Variants in CSMD1 observed in about 807,000 individuals in gnomAD.
CSMD1 encodes the protein CUB and sushi domain-containing protein 1.
A neutral mutation model predicts 417.5 loss-of-function variants in CSMD1; 213 were observed. The ratio of observed to expected loss-of-function variants is 0.51; its 90% CI spans 0.46 to 0.57. CSMD1 has a LOEUF of 0.57. Ranked by LOEUF, CSMD1 falls within the 20% of genes least tolerant of loss-of-function variation. The pLI is 0.00. For missense variants in CSMD1, 6,923 were observed against 4,529.7 expected, an observed-to-expected ratio of 1.53 and a Z score of -15.17; for synonymous variants, 2,862 against 1,736.8, an observed-to-expected ratio of 1.65 and a Z score of -16.11.
rs1372206861 is a variant in CSMD1, at chr8:2,935,637, A to C, written c.*2948T>G. On this transcript the variant is annotated 3_prime_UTR_variant, in exon 70 of 70. Coordinates refer to ENST00000635120, the MANE Select transcript of CSMD1 (RefSeq NM_033225.6). ...TTAATCAAAAAATTACAGCATATTT[A>C]ATAATTTTACAAATTCTTCATAAAA... The C allele has an allele frequency of 6.6e-6, 1 of 152,192 alleles. No individual in the cohort carries two copies. Among genetic ancestry groups the C allele is most frequent in the Non-Finnish European group, 1.5e-5 (1 of 68,036 alleles). 9.4% of individuals were successfully genotyped at this position (152,192 alleles called of 1,614,324 possible).
At chr8:4,799,393 T>C (rs1396887517) in intron 1 of CSMD1, among the ~76,000 whole-genome samples, 1 of 151,884 alleles carries the variant, frequency 6.6e-6, no homozygotes, top group East Asian at 1.9e-4. Flanking sequence ...TTTAAAATAG[T>C]CATCCTCAGC....
At chr8:3,969,028 A>G (rs1456621428) in intron 5 of CSMD1, among the ~76,000 whole-genome samples, 1 of 152,172 alleles carries the variant, frequency 6.6e-6, no homozygotes, top group Non-Finnish European at 1.5e-5. Flanking sequence ...AGGCAGGTGG[A>G]TCACTTGAGT....
At chr8:3,796,918 C>G (rs1009633872) in intron 5 of CSMD1, among the ~76,000 whole-genome samples, 7 of 151,470 alleles carry the variant, frequency 4.6e-5, no homozygotes, top group African/African-American at 1.7e-4. Flanking sequence ...TCATTATAGC[C>G]TAATGAAGAT....
chr8:4,715,702 C>G (rs1808609397), intron 1 of CSMD1, among the ~76,000 whole-genome samples: 1 of 152,228 alleles, frequency 6.6e-6, no homozygotes, highest in Admixed American at 6.6e-5. Flanking sequence ...GCGTTCAACT[C>G]AAACACCAAG....
intron 1 of CSMD1, chr8:4,787,449 G>C (rs931611686): frequency 6.4e-6 from 5 of 775,324 alleles, no homozygotes; most frequent in African/African-American, 1.7e-5. Context: ...AATGTAGCTA[G>C]AAAGAATCAC....
chr8:4,048,304 T>A (rs983967538), intron 3 of CSMD1, among the ~76,000 whole-genome samples: 1 of 152,226 alleles, frequency 6.6e-6, no homozygotes, highest in Admixed American at 6.5e-5. Flanking sequence ...TTGAGCTGGT[T>A]ACACAAAGAG....
At chr8:4,459,114 G>A (rs758452863) in intron 2 of CSMD1, among the ~76,000 whole-genome samples, 13 of 152,282 alleles carry the variant, frequency 8.5e-5, no homozygotes, top group Non-Finnish European at 7.3e-5. Flanking sequence ...TTCTAACCAG[G>A]AGGGTCAGGC....
chr8:4,103,441 G>A (rs541490019), intron 3 of CSMD1, among the ~76,000 whole-genome samples: 5 of 150,718 alleles, frequency 3.3e-5, no homozygotes, highest in Admixed American at 6.6e-5. Flanking sequence ...TGTTAAAAAA[G>A]GGTACCATAA....
intron 2 of CSMD1, among the ~76,000 whole-genome samples, chr8:4,616,435 T>C (rs1801479287): frequency 6.6e-6 from 1 of 152,202 alleles, no homozygotes; most frequent in East Asian, 1.9e-4. Flanking sequence ...ACTGGCTATT[T>C]AGTCTGTAAG....
intron 11 of CSMD1, among the ~76,000 whole-genome samples, chr8:3,470,570 G>A (rs545272597): frequency 2.0e-4 from 30 of 152,108 alleles, no homozygotes; most frequent in African/African-American, 7.2e-4. Flanking sequence ...GCACAAATAC[G>A]TCACATGTCT....
intron 5 of CSMD1, among the ~76,000 whole-genome samples, chr8:3,852,483 G>A (rs935782109): frequency 1.3e-5 from 2 of 152,286 alleles, no homozygotes; most frequent in South Asian, 2.1e-4. Flanking sequence ...GAATAAGCTG[G>A]GATATAGAAG....
intron 2 of CSMD1, among the ~76,000 whole-genome samples, chr8:4,592,051 T>G (rs1051061643): frequency 2.0e-5 from 3 of 152,172 alleles, no homozygotes; most frequent in Admixed American, 6.5e-5. Context: ...GACCATTGCA[T>G]CTGAGGTACC....
At chr8:4,201,093 T>C (rs1035508338) in intron 3 of CSMD1, among the ~76,000 whole-genome samples, 3 of 152,184 alleles carry the variant, frequency 2.0e-5, no homozygotes, top group Non-Finnish European at 2.9e-5. Flanking sequence ...GCCAATGTCT[T>C]ACCTTTCAGA....
chr8:4,407,693 T>C (rs756783406), intron 3 of CSMD1, among the ~76,000 whole-genome samples: 1 of 152,242 alleles, frequency 6.6e-6, no homozygotes, highest in Non-Finnish European at 1.5e-5. Context: ...AAATTTGTTA[T>C]CACGATATTC....
Position 3,998,057 on chromosome 8 carries a change from G to T in CSMD1, c.664C>A (p.Pro222Thr). The T allele has an allele frequency of 6.3e-7, 1 of 1,596,458 alleles. No individual in the cohort carries two copies. The highest frequency in any genetic ancestry group is 1.7e-4 in the Middle Eastern group (1 of 6,014). ...LRGTSSSISS[P>T]HFPSEYENNA... ...TTCTCGTACTCTGAAGGGAAGTGCG[G>T]GCTGGAGATGGAGCTGCTGGTCCCG... The change falls in exon 5 of 70, where the codon CCG becomes ACG. Residue 222 changes from proline (P) to threonine (T), a missense_variant. Physicochemically the swap from Pro to Thr is conservative, Grantham distance 38. Transcript: ENST00000635120.
chr8:3,833,646 G>C (rs1380073995), intron 5 of CSMD1, among the ~76,000 whole-genome samples: 1 of 151,970 alleles, frequency 6.6e-6, no homozygotes, highest in South Asian at 2.1e-4. Context: ...TCACAGGATG[G>C]TGTTTGTATG....
chr8:4,738,159 G>C (rs1024335874), intron 1 of CSMD1, among the ~76,000 whole-genome samples: 2 of 152,102 alleles, frequency 1.3e-5, no homozygotes. Context: ...CAGAATATCA[G>C]GTTAGTTTAT....
At chr8:3,535,222 G>A (rs542486601) in intron 10 of CSMD1, among the ~76,000 whole-genome samples, 1 of 152,202 alleles carries the variant, frequency 6.6e-6, no homozygotes, top group South Asian at 2.1e-4. Flanking sequence ...CCAAGCTCTA[G>A]GATTACAGGC....
chr8:4,535,990 TAAAA>T (rs145248425), intron 2 of CSMD1, among the ~76,000 whole-genome samples: 8,886 of 152,208 alleles, frequency 0.058, 473 homozygotes, highest in Admixed American at 0.15. Flanking sequence ...TTAAAATAAA[TAAAA>T]GTTTCAGAAT....
Sources: allele counts gnomAD v4.1 joint callset (sites outside exome capture counted in the v4.1 genomes callset), GRCh38; gene constraint gnomAD v4.1.1; transcripts MANE v1.5; gene names NCBI Gene and HGNC (gene_info 2026-07-23, HGNC 2026-07-21).